CENPM: variants seen among roughly 807,000 people sequenced by gnomAD.
CENPM encodes the protein interphase centromere complex protein 39.
CENPM carries 14 observed loss-of-function variants against 19.6 expected under a neutral mutation model. The ratio of observed to expected loss-of-function variants is 0.71; its 90% CI spans 0.47 to 1.11. The LOEUF (loss-of-function observed/expected upper bound fraction) is 1.11, where lower values mean the gene tolerates loss of function less well. Ranked by LOEUF, CENPM falls within the 50% of genes most tolerant of loss-of-function variation. CENPM has a pLI of 0.00. For missense variants in CENPM, 239 were observed against 228.4 expected, an observed-to-expected ratio of 1.05 and a Z score of -0.30; for synonymous variants, 114 against 101.5, an observed-to-expected ratio of 1.12 and a Z score of -0.74.
intron 1 of CENPM, chr22:41,946,779 C>A (rs1030150634): frequency 2.5e-5 from 15 of 600,754 alleles, no homozygotes; most frequent in African/African-American, 1.9e-4. Context: ...CAATTCCAGG[C>A]GCGGGAACTC....
chr22:41,945,803 G>T, intron 3 of CENPM, 110 bp downstream of exon 3: 1 of 820,576 alleles, frequency 1.2e-6, no homozygotes, highest in Non-Finnish European at 1.9e-6. Flanking sequence ...ATTGACCTCA[G>T]CCAGCCTCTC....
rs757994312 is a variant in CENPM at position 41,939,192 on chromosome 22, T to C, written c.407A>G (p.Glu136Gly). The change falls in exon 6 of 6, where the codon GAA becomes GGA. Residue 136 changes from glutamate to glycine, a missense_variant. Transcript: ENST00000215980. ...CTGCGCCATGGTGGCCCTAAAGCCTTCCACCTGCGGGGAGAGCAGAGAACA... is the reference window on the plus strand; with the variant it reads ...CTGCGCCATGGTGGCCCTAAAGCCTCCCACCTGCGGGGAGAGCAGAGAACA... ...SPLLYCDLEV[E>G]GFRATMAQRL... 57 of 1,610,200 alleles carry C rather than the reference T, an allele frequency of 3.5e-5. No homozygotes were observed. Among genetic ancestry groups the C allele is most frequent in the Non-Finnish European group, 4.8e-5 (57 of 1,178,858 alleles).
downstream of CENPM, among the ~76,000 whole-genome samples, chr22:41,935,675 T>C (rs541506598): frequency 7.0e-4 from 106 of 152,300 alleles, no homozygotes; most frequent in African/African-American, 2.0e-3. Flanking sequence ...GCCCAGAGCC[T>C]GCACCACTCT....
At chr22:41,933,173 C>G in the CENPM span, among the ~76,000 whole-genome samples, 1 of 152,262 alleles carries the variant, frequency 6.6e-6, no homozygotes, top group South Asian at 2.1e-4. Context: ...AAGGGCTGTG[C>G]GCAAAGCATC....
intron 1 of CENPM, 111 bp downstream of exon 1, chr22:41,946,909 G>T: frequency 8.9e-7 from 1 of 1,125,484 alleles, no homozygotes; most frequent in Non-Finnish European, 1.3e-6. Context: ...CCCCGCCCCC[G>T]CCACGGTAGC....
rs1446100380 is a variant in CENPM, at chr22:41,938,967, G to A, written c.*89C>T. 6 of 1,530,016 alleles carry A rather than the reference G, an allele frequency of 3.9e-6. No individual in the cohort carries two copies. In the African/African-American group the frequency reaches 8.2e-5, roughly 21 times the overall value. 94.8% of individuals were successfully genotyped at this position (1,530,016 alleles called of 1,614,324 possible). ...GCCACGGCGGGCTGAGCCTGGGCCT[G>A]TCAAGCCCTGACTGGACATCCTCAA... On this transcript the variant is annotated 3_prime_UTR_variant, in exon 6 of 6. Coordinates refer to ENST00000215980, the MANE Select transcript of CENPM (RefSeq NM_024053.5).
At chr22:41,928,494 C>G in the CENPM span, among the ~76,000 whole-genome samples, 1 of 152,190 alleles carries the variant, frequency 6.6e-6, no homozygotes, top group Non-Finnish European at 1.5e-5. The surrounding 1 kb of genome is among the most constrained non-coding windows in gnomAD (Gnocchi z 4.0). Context: ...CACCCAGACC[C>G]CTAAGCACTC....
At chr22:41,938,324 TAG>T (rs1471254095), downstream of CENPM, among the ~76,000 whole-genome samples, 1 of 149,448 alleles carries the variant, frequency 6.7e-6, no homozygotes, top group African/African-American at 2.5e-5. Context: ...GTATTTTTAG[TAG>T]AGACAGGGTT....
intron 3 of CENPM, 38 bp from the exon 4 acceptor site, chr22:41,945,342 G>A (rs2077787486): frequency 6.2e-7 from 1 of 1,612,692 alleles, no homozygotes; most frequent in Non-Finnish European, 8.5e-7. Context: ...ACAAACCAGA[G>A]AACAAAACTT....
chr22:41,935,493 G>A (rs756535345), downstream of CENPM, among the ~76,000 whole-genome samples: 2 of 152,154 alleles, frequency 1.3e-5, no homozygotes, highest in Non-Finnish European at 1.5e-5. Context: ...TCACTCTCTG[G>A]GAAGGCTGGC....
downstream of CENPM, among the ~76,000 whole-genome samples, chr22:41,936,294 A>G (rs1602381545): frequency 3.3e-5 from 5 of 152,328 alleles, no homozygotes; most frequent in Middle Eastern, 0.017. Flanking sequence ...GGTCTGTTTC[A>G]TGAACTGTGA....
chr22:41,931,492 AAT>A, the CENPM span, among the ~76,000 whole-genome samples: 8,608 of 149,162 alleles, frequency 0.058, 289 homozygotes, highest in Non-Finnish European at 0.078. Flanking sequence ...AAAAAAAAAA[AAT>A]AATAATAAAA....
intron 1 of CENPM, 176 bp from the exon 2 acceptor site, chr22:41,946,672 C>T (rs1035141375): frequency 3.2e-6 from 2 of 616,672 alleles, no homozygotes; most frequent in African/African-American, 3.7e-5. Context: ...GAGGTTTGGA[C>T]CCGCTGCAGG....
Position 41,943,600 on chromosome 22 carries a change from G to T in CENPM, c.402+10C>A, listed in dbSNP as rs1243811377. The T allele has an allele frequency of 1.2e-6, 2 of 1,609,970 alleles. No homozygotes were observed. Among genetic ancestry groups the T allele is most frequent in the Non-Finnish European group, 1.7e-6 (2 of 1,177,012 alleles). ...AGTATAGTGTTGGTCTCTGTGATCA[G>T]CATGCTCACCTCCAGGTCACAGTAG... On this transcript the variant is annotated intron_variant, in intron 5 of 5. Coordinates refer to ENST00000215980, the MANE Select transcript of CENPM (RefSeq NM_024053.5).
chr22:41,946,984 A>C (rs754749880), intron 1 of CENPM, 36 bp downstream of exon 1: 1 of 1,609,986 alleles, frequency 6.2e-7, no homozygotes, highest in South Asian at 1.1e-5. Flanking sequence ...CCCAGGAGGA[A>C]AAACCGGCGG....
chr22:41,930,966 A>G, the CENPM span, among the ~76,000 whole-genome samples: 1 of 151,306 alleles, frequency 6.6e-6, no homozygotes, highest in East Asian at 2.0e-4. Context: ...CCACCCCAGT[A>G]GCTCGGATAA....
intron 5 of CENPM, among the ~76,000 whole-genome samples, chr22:41,939,886 G>GAA (rs1346309338): frequency 1.7e-4 from 18 of 105,086 alleles, no homozygotes; most frequent in Admixed American, 3.1e-4. Context: ...GAAAAAGAAA[G>GAA]AAAGAAAGAA....
intron 4 of CENPM, 180 bp downstream of exon 4, chr22:41,945,045 T>A (rs2077782522): frequency 6.9e-7 from 1 of 1,453,548 alleles, no homozygotes; most frequent in Non-Finnish European, 9.2e-7. Context: ...TTAAGCCTAG[T>A]ACCCATTAGT....
At chr22:41,933,723 C>T in the CENPM span, among the ~76,000 whole-genome samples, 1 of 152,202 alleles carries the variant, frequency 6.6e-6, no homozygotes, top group Admixed American at 6.5e-5. Context: ...CTGCCTGTGT[C>T]CTTCTGACCC....
Sources: gnomAD v4.1 joint callset for allele counts (sites outside exome capture counted in the v4.1 genomes callset) on GRCh38, gnomAD v4.1.1 for gene constraint, Gnocchi (gnomAD v3.1) non-coding constraint, MANE v1.5 for transcripts, NCBI Gene and HGNC (gene_info 2026-07-23, HGNC 2026-07-21) for gene names.